Variants in PHF24 observed in about 807,000 individuals in gnomAD.
The protein encoded by PHF24 is PHD finger protein 24, also known as Galpha inhibitory interacting protein.
Under a neutral mutation model 42.6 loss-of-function variants are expected in PHF24, and 25 were observed. That is an observed-to-expected ratio of 0.59 (90% CI 0.43 to 0.82). PHF24 has a LOEUF of 0.82. Ranked by LOEUF, PHF24 falls within the 40% of genes least tolerant of loss-of-function variation. PHF24 has a pLI of 0.00. For missense variants in PHF24, 470 were observed against 538.1 expected (o/e 0.87, Z 1.25); for synonymous variants, 185 against 204.8 (o/e 0.90, Z 0.83).
chr9:34,709,686 C>A, the PHF24 span: 1 of 1,613,628 alleles, frequency 6.2e-7, no homozygotes, highest in Non-Finnish European at 8.5e-7. Context: ...CAAGAACCTG[C>A]GGGTGGGGGC....
At chr9:34,868,476 ATTTCT>A in the PHF24 span, among the ~76,000 whole-genome samples, 4 of 152,108 alleles carry the variant, frequency 2.6e-5, no homozygotes, top group Non-Finnish European at 4.4e-5. Flanking sequence ...CCTTTCAGAG[ATTTCT>A]TTTATTTGTT....
At chr9:34,789,061 C>T in the PHF24 span, among the ~76,000 whole-genome samples, 68 of 152,242 alleles carry the variant, frequency 4.5e-4, no homozygotes, top group Admixed American at 1.4e-3. Flanking sequence ...GGCCCACGCA[C>T]GCAGACCAAC....
the PHF24 span, among the ~76,000 whole-genome samples, chr9:34,946,602 A>G: frequency 1.3e-5 from 2 of 152,234 alleles, no homozygotes; most frequent in Non-Finnish European, 2.9e-5. Flanking sequence ...ATGTGAAAGT[A>G]CTTTACAAAG....
the PHF24 span, among the ~76,000 whole-genome samples, chr9:34,926,021 T>G: frequency 6.6e-5 from 10 of 152,350 alleles, no homozygotes; most frequent in South Asian, 2.1e-3. This position sits in a 1 kb window ranked among gnomAD's most constrained non-coding sequence, Gnocchi z 4.3. Context: ...GATACAGTAG[T>G]GTAATGTAAC....
chr9:34,906,798 T>A, the PHF24 span, among the ~76,000 whole-genome samples: 1 of 152,168 alleles, frequency 6.6e-6, no homozygotes, highest in Non-Finnish European at 1.5e-5. Flanking sequence ...TGCAATGCAG[T>A]TGTCTGAAAT....
chr9:34,928,608 C>T, the PHF24 span, among the ~76,000 whole-genome samples: 1 of 152,136 alleles, frequency 6.6e-6, no homozygotes, highest in Non-Finnish European at 1.5e-5. Context: ...TCCTGGTAAG[C>T]ATTAATTCAA....
chr9:34,940,330 C>G, the PHF24 span, among the ~76,000 whole-genome samples: 2 of 152,084 alleles, frequency 1.3e-5, no homozygotes, highest in Admixed American at 1.3e-4. Context: ...AACTCTCCCA[C>G]CCTGAATCCT....
chr9:34,944,792 C>T, the PHF24 span, among the ~76,000 whole-genome samples: 1 of 151,054 alleles, frequency 6.6e-6, no homozygotes, highest in Middle Eastern at 3.4e-3. Flanking sequence ...GGGAGGATTG[C>T]TTGAGTCCAG....
At chr9:34,895,816 A>C in the PHF24 span, 1 of 397,964 alleles carries the variant, frequency 2.5e-6, no homozygotes. Flanking sequence ...TCTGCCTCAC[A>C]GAAGAGGGAT....
At chr9:34,848,470 G>A in the PHF24 span, among the ~76,000 whole-genome samples, 35 of 151,890 alleles carry the variant, frequency 2.3e-4, 1 homozygote, top group South Asian at 1.3e-3. Flanking sequence ...TTTTTATTGC[G>A]TCTATTTGAT....
chr9:34,846,088 G>A, the PHF24 span, among the ~76,000 whole-genome samples: 1 of 152,122 alleles, frequency 6.6e-6, no homozygotes, highest in African/African-American at 2.4e-5. Context: ...ATAGCAGCAT[G>A]ATTTATAGTC....
intron 3 of PHF24, 112 bp downstream of exon 3, chr9:34,972,643 C>T (rs887571699): frequency 4.8e-6 from 5 of 1,031,172 alleles, no homozygotes; most frequent in South Asian, 1.8e-5. Flanking sequence ...GGGCTGGGCG[C>T]GGTGGCTCAT....
chr9:34,690,404 C>G, the PHF24 span: 3 of 1,531,292 alleles, frequency 2.0e-6, no homozygotes, highest in Non-Finnish European at 8.9e-7. Flanking sequence ...GGCCATGGCC[C>G]TAGCTCGGAT....
the PHF24 span, among the ~76,000 whole-genome samples, chr9:34,713,506 C>A: frequency 6.7e-6 from 1 of 150,136 alleles, no homozygotes; most frequent in Admixed American, 6.6e-5. Context: ...GTACCACCCC[C>A]CCTGCTTGTT....
chr9:34,910,824 C>CT, the PHF24 span, among the ~76,000 whole-genome samples: 71 of 145,628 alleles, frequency 4.9e-4, no homozygotes, highest in East Asian at 4.9e-3. Context: ...ATCTTGTCTT[C>CT]TTTTTTTTTT....
chr9:34,774,361 C>A, the PHF24 span, among the ~76,000 whole-genome samples: 2 of 151,982 alleles, frequency 1.3e-5, no homozygotes, highest in African/African-American at 2.4e-5. Flanking sequence ...TGAGGGATTG[C>A]TATCCAGAAT....
the PHF24 span, chr9:34,689,775 C>G: frequency 6.2e-7 from 1 of 1,613,002 alleles, no homozygotes; most frequent in Non-Finnish European, 8.5e-7. This position sits in a 1 kb window ranked among gnomAD's most constrained non-coding sequence, Gnocchi z 4.1. Flanking sequence ...TAATAATTCA[C>G]AATGCTTGAC....
the PHF24 span, among the ~76,000 whole-genome samples, chr9:34,949,480 C>A: frequency 5.9e-3 from 904 of 152,234 alleles, 6 homozygotes; most frequent in African/African-American, 0.02. Flanking sequence ...CCCGTTTGAC[C>A]CAGCAATCCC....
the PHF24 span, among the ~76,000 whole-genome samples, chr9:34,750,782 G>A: frequency 9.9e-5 from 15 of 151,398 alleles, no homozygotes; most frequent in Non-Finnish European, 2.2e-4. Context: ...CAGAAAGAAG[G>A]GAAAAAAGGA....
Sources: allele counts gnomAD v4.1 joint callset (sites outside exome capture counted in the v4.1 genomes callset), GRCh38; gene constraint gnomAD v4.1.1; non-coding constraint Gnocchi (gnomAD v3.1); transcripts MANE v1.5; gene names NCBI Gene and HGNC (gene_info 2026-07-23, HGNC 2026-07-21).